ZNF385D: variants seen among roughly 807,000 people sequenced by gnomAD.
ZNF385D encodes the protein zinc finger protein 659.
A neutral mutation model predicts 35.8 loss-of-function variants in ZNF385D; 15 were observed. That is an observed-to-expected ratio of 0.42 (90% confidence interval 0.28 to 0.64). ZNF385D has a LOEUF of 0.64. ZNF385D is among the 30% of genes least tolerant of loss of function. The probability of loss-of-function intolerance (pLI) is 0.23; values close to 1 mark genes in which losing one functional copy is unlikely to be tolerated. For missense variants in ZNF385D, 474 were observed against 494.6 expected, an observed-to-expected ratio of 0.96 and a Z score of 0.39; for synonymous variants, 212 against 186.8, an observed-to-expected ratio of 1.13 and a Z score of -1.10.
chr3:21,439,082 G>T (rs114211853), intron 4 of ZNF385D, among the ~76,000 whole-genome samples: 1 of 151,932 alleles, frequency 6.6e-6, no homozygotes. Flanking sequence ...GCTAATTTGC[G>T]AAGTGTTTTA....
chr3:22,197,426 T>C (rs867981361), intron 2 of ZNF385D, among the ~76,000 whole-genome samples: 6 of 152,102 alleles, frequency 3.9e-5, no homozygotes, highest in Admixed American at 2.6e-4. Context: ...TGTTTACAGC[T>C]CATGAAATCT....
At chr3:21,843,882 T>C (rs972150112) in intron 3 of ZNF385D, among the ~76,000 whole-genome samples, 3 of 151,950 alleles carry the variant, frequency 2.0e-5, no homozygotes, top group African/African-American at 7.2e-5. Context: ...AACCACTCCA[T>C]TCAAAGCATC....
intron 2 of ZNF385D, among the ~76,000 whole-genome samples, chr3:22,222,668 A>G (rs1286261506): frequency 2.0e-5 from 3 of 152,300 alleles, no homozygotes; most frequent in East Asian, 3.9e-4. Context: ...ATATGGGAAT[A>G]ACAATAATCC....
intron 3 of ZNF385D, among the ~76,000 whole-genome samples, chr3:22,148,922 T>C (rs1705044104): frequency 6.6e-6 from 1 of 152,162 alleles, no homozygotes; most frequent in Non-Finnish European, 1.5e-5. Flanking sequence ...GGGTCTCAAC[T>C]TGCCACCCAC....
At chr3:22,025,193 C>T (rs1697462240) in intron 3 of ZNF385D, among the ~76,000 whole-genome samples, 1 of 152,166 alleles carries the variant, frequency 6.6e-6, no homozygotes, top group African/African-American at 2.4e-5. Context: ...ATACCCTCCT[C>T]ACCCATGCTG....
At chr3:21,765,697 A>G (rs1260433585) in intron 3 of ZNF385D, among the ~76,000 whole-genome samples, 1 of 150,828 alleles carries the variant, frequency 6.6e-6, no homozygotes, top group Non-Finnish European at 1.5e-5. Flanking sequence ...GCGTGCGTGC[A>G]TGCACACGCA....
intron 3 of ZNF385D, among the ~76,000 whole-genome samples, chr3:21,847,974 T>G (rs141763420): frequency 2.5e-4 from 38 of 152,156 alleles, no homozygotes; most frequent in African/African-American, 8.7e-4. Flanking sequence ...ATCTGTTGAT[T>G]AGCAACTCCT....
intron 1 of ZNF385D, among the ~76,000 whole-genome samples, chr3:21,745,533 G>A (rs1407175777): frequency 1.3e-5 from 2 of 152,196 alleles, no homozygotes; most frequent in African/African-American, 2.4e-5. Context: ...GTTCAAGCAT[G>A]ATCTCAACCA....
chr3:22,118,262 T>C (rs895696693), intron 3 of ZNF385D, among the ~76,000 whole-genome samples: 5 of 152,126 alleles, frequency 3.3e-5, no homozygotes, highest in African/African-American at 1.2e-4. Flanking sequence ...CTCAGGTGAC[T>C]GCCATAGAGA....
At chr3:21,513,466 C>T (rs1171760073) in intron 3 of ZNF385D, among the ~76,000 whole-genome samples, 1 of 151,938 alleles carries the variant, frequency 6.6e-6, no homozygotes, top group Admixed American at 6.6e-5. Context: ...ACCAAAACAC[C>T]TTGATAATAA....
At chr3:22,146,770 A>C (rs1704885634) in intron 3 of ZNF385D, among the ~76,000 whole-genome samples, 1 of 152,172 alleles carries the variant, frequency 6.6e-6, no homozygotes, top group Non-Finnish European at 1.5e-5. Context: ...GAATTACATT[A>C]ATAAAACACT....
intron 1 of ZNF385D, among the ~76,000 whole-genome samples, chr3:21,747,563 C>T (rs561262642): frequency 6.6e-6 from 1 of 152,320 alleles, no homozygotes; most frequent in South Asian, 2.1e-4. Context: ...GGCAACGACT[C>T]ACCTATCCAG....
intron 3 of ZNF385D, among the ~76,000 whole-genome samples, chr3:21,955,068 A>G (rs1702225141): frequency 6.6e-6 from 1 of 152,154 alleles, no homozygotes; most frequent in African/African-American, 2.4e-5. Flanking sequence ...TTACCAACAG[A>G]TGTTTTTGTG....
intron 3 of ZNF385D, among the ~76,000 whole-genome samples, chr3:21,775,265 C>A (rs2071240725): frequency 6.6e-6 from 1 of 151,758 alleles, no homozygotes; most frequent in South Asian, 2.1e-4. Context: ...TGCAGGGTTG[C>A]AAAGTATTTG....
At chr3:21,893,705 T>A (rs191829508) in intron 3 of ZNF385D, among the ~76,000 whole-genome samples, 79 of 152,224 alleles carry the variant, frequency 5.2e-4, no homozygotes, top group Admixed American at 5.1e-3. Context: ...AAATTGAGAA[T>A]TGGCAACAAG....
chr3:22,265,576 G>A (rs185660250), intron 2 of ZNF385D, among the ~76,000 whole-genome samples: 5 of 151,970 alleles, frequency 3.3e-5, no homozygotes, highest in East Asian at 1.9e-4. Context: ...CCTAACACAC[G>A]CTATCAAATC....
intron 3 of ZNF385D, among the ~76,000 whole-genome samples, chr3:22,079,634 T>C (rs1010057351): frequency 6.6e-6 from 1 of 152,004 alleles, no homozygotes; most frequent in African/African-American, 2.4e-5. Context: ...AACAGGGAGA[T>C]ACTGCACTAA....
chr3:21,792,623 G>C (rs569875431), intron 3 of ZNF385D, among the ~76,000 whole-genome samples: 1 of 152,012 alleles, frequency 6.6e-6, no homozygotes, highest in South Asian at 2.1e-4. Context: ...GGAGTTGTGG[G>C]AACCCGAAGC....
upstream of ZNF385D, among the ~76,000 whole-genome samples, chr3:21,752,696 A>C (rs559740749): frequency 6.6e-6 from 1 of 152,370 alleles, no homozygotes; most frequent in South Asian, 2.1e-4. Flanking sequence ...CTGTTCTTTT[A>C]GAAATACTCT....
Sources: allele counts gnomAD v4.1 joint callset (sites outside exome capture counted in the v4.1 genomes callset), GRCh38; gene constraint gnomAD v4.1.1; transcripts MANE v1.5; gene names NCBI Gene and HGNC (gene_info 2026-07-23, HGNC 2026-07-21).